Variants in ESR1 observed in about 807,000 individuals in gnomAD.
ESR1 encodes estrogen receptor 1, also known as estrogen receptor.
Under a neutral mutation model 52.7 loss-of-function variants are expected in ESR1, and 12 were observed. The observed-to-expected ratio is 0.23, with a 90% CI of 0.15 to 0.37. The LOEUF (loss-of-function observed/expected upper bound fraction) is 0.37, where lower values mean the gene tolerates loss of function less well. ESR1 is among the 10% of genes least tolerant of loss of function. ESR1 has a pLI of 1.00. For synonymous variants in ESR1, 305 were observed against 316.8 expected (o/e 0.96, Z 0.39); for missense variants, 584 against 779.7 (o/e 0.75, Z 2.99).
Position 151,701,385 on chromosome 6 carries a change from C to T in ESR1, c.-201-490C>T, listed in dbSNP as rs968690346. Among the ~76,000 whole-genome samples the T allele has an allele frequency of 6.6e-5, 10 of 151,494 alleles. No individual in the cohort carries two copies. In the East Asian group the frequency reaches 7.8e-4, roughly 12 times the overall value. ...ACTAAAAAGATAAAAAATTAGCTGG[C>T]GGGCGTGGTGGTGTGCGCCTGTAGT... On this transcript the variant is annotated intron_variant, in intron 1 of 2. Transcript: ENST00000404742.
At chr6:152,036,097 C>T (rs377004892) in intron 5 of ESR1, among the ~76,000 whole-genome samples, 5 of 141,672 alleles carry the variant, frequency 3.5e-5, no homozygotes, top group South Asian at 2.4e-4. Flanking sequence ...GGGCCAGGCA[C>T]GGTGGCTCAC....
chr6:151,733,720 A>C (rs1782430675), intron 2 of ESR1, among the ~76,000 whole-genome samples: 1 of 152,154 alleles, frequency 6.6e-6, no homozygotes, highest in Non-Finnish European at 1.5e-5. Context: ...CTTAATTAAG[A>C]AAAAAAGAAA....
chr6:151,745,339 C>G (rs1303709375), intron 2 of ESR1, among the ~76,000 whole-genome samples: 1 of 152,094 alleles, frequency 6.6e-6, no homozygotes, highest in Non-Finnish European at 1.5e-5. Context: ...GCTTTGGTTG[C>G]TTACTGTGGC....
At chr6:151,705,422 A>C (rs185473296) in intron 2 of ESR1, among the ~76,000 whole-genome samples, 14 of 152,342 alleles carry the variant, frequency 9.2e-5, no homozygotes, top group Admixed American at 2.6e-4. Context: ...GTTTCTAAAC[A>C]CATATGAACT....
intron 1 of ESR1, among the ~76,000 whole-genome samples, chr6:151,678,770 T>C (rs962268324): frequency 2.0e-5 from 3 of 148,536 alleles, no homozygotes; most frequent in Non-Finnish European, 4.4e-5. Flanking sequence ...CACTGCAACC[T>C]CCACCTCCTG....
At chr6:151,675,153 C>T (rs768859546) in intron 1 of ESR1, among the ~76,000 whole-genome samples, 1 of 152,040 alleles carries the variant, frequency 6.6e-6, no homozygotes, top group Non-Finnish European at 1.5e-5. Flanking sequence ...TGTTATATTG[C>T]CAGACTATAT....
chr6:151,976,338 A>G (rs2039433496), intron 4 of ESR1, among the ~76,000 whole-genome samples: 1 of 152,086 alleles, frequency 6.6e-6, no homozygotes, highest in Non-Finnish European at 1.5e-5. Flanking sequence ...TTCAACTACT[A>G]TCCATATTAA....
chr6:151,718,045 C>T (rs1169480966), intron 2 of ESR1, among the ~76,000 whole-genome samples: 1 of 152,098 alleles, frequency 6.6e-6, no homozygotes, highest in East Asian at 1.9e-4. Context: ...TCTGGTAGCA[C>T]TCAATAGACA....
chr6:151,687,686 G>A (rs1467193784), upstream of ESR1, among the ~76,000 whole-genome samples: 1 of 152,196 alleles, frequency 6.6e-6, no homozygotes, highest in Admixed American at 6.5e-5. Context: ...CAGGCTGTTA[G>A]TGGTTTCTTC....
chr6:151,751,850 T>A (rs1438331223), intron 2 of ESR1, among the ~76,000 whole-genome samples: 3 of 152,208 alleles, frequency 2.0e-5, no homozygotes, highest in Non-Finnish European at 4.4e-5. Flanking sequence ...GCATTTTATT[T>A]TGAAACCCAC....
downstream of ESR1, among the ~76,000 whole-genome samples, chr6:152,105,571 G>A (rs556819073): frequency 4.6e-5 from 7 of 151,204 alleles, no homozygotes; most frequent in South Asian, 1.5e-3. Flanking sequence ...GATTACAGGC[G>A]AGCGCCACCA....
chr6:151,856,237 G>C (rs1583708090), intron 2 of ESR1, among the ~76,000 whole-genome samples: 1 of 152,128 alleles, frequency 6.6e-6, no homozygotes, highest in Non-Finnish European at 1.5e-5. Context: ...AGATAATGTA[G>C]CTATTATGGA....
intron 3 of ESR1, among the ~76,000 whole-genome samples, chr6:151,901,231 C>T (rs1009968771): frequency 9.2e-5 from 14 of 152,232 alleles, no homozygotes; most frequent in Admixed American, 6.5e-5. Context: ...GGGGGAAAGC[C>T]GGCAGTTACA....
chr6:152,046,615 AG>A (rs1263759826), intron 5 of ESR1, among the ~76,000 whole-genome samples: 1 of 152,252 alleles, frequency 6.6e-6, no homozygotes, highest in Non-Finnish European at 1.5e-5. Flanking sequence ...CCATAGTAAA[AG>A]AAGACAAAAT....
At chr6:151,690,908 G>A (rs1778887116) in intron 1 of ESR1, among the ~76,000 whole-genome samples, 1 of 152,188 alleles carries the variant, frequency 6.6e-6, no homozygotes, top group Non-Finnish European at 1.5e-5. Flanking sequence ...GAGGCAGAGG[G>A]CAATCCGACT....
rs553208431 is a variant in ESR1 at position 152,099,153 on chromosome 6, G to C, written c.*187G>C. On this transcript the variant is annotated 3_prime_UTR_variant, in exon 8 of 8. Coordinates refer to ENST00000206249, the MANE Select transcript of ESR1 (RefSeq NM_000125.4). The stretch of plus-strand genomic sequence containing the variant: ...TGGCACATCTTCTGTCTTCTGTTGG[G>C]AACAGCCAAAGGGATTCCAAGGCTA... The C allele has an allele frequency of 2.1e-5, 13 of 633,646 alleles. No individual in the cohort carries two copies. In the South Asian group the frequency reaches 2.3e-4, roughly 11 times the overall value. 39.3% of individuals were successfully genotyped at this position (633,646 alleles called of 1,614,324 possible). A position where few individuals can be genotyped will look rare whatever the true frequency, so the allele number is the denominator to read the frequency against.
intron 1 of ESR1, among the ~76,000 whole-genome samples, chr6:151,693,864 C>A (rs865910069): frequency 6.6e-6 from 1 of 152,140 alleles, no homozygotes; most frequent in South Asian, 2.1e-4. Context: ...GTGATCCACT[C>A]GCCTTGGCCT....
At chr6:151,729,593 C>G in intron 2 of ESR1, among the ~76,000 whole-genome samples, 1 of 152,078 alleles carries the variant, frequency 6.6e-6, no homozygotes, top group Non-Finnish European at 1.5e-5. Context: ...TTTGTTGAGC[C>G]CTGCCATGTG....
intron 2 of ESR1, among the ~76,000 whole-genome samples, chr6:151,702,726 A>T (rs1471786428): frequency 6.6e-6 from 1 of 152,256 alleles, no homozygotes; most frequent in Non-Finnish European, 1.5e-5. Context: ...TTTAAAATTA[A>T]GATAAAATAA....
Sources: gnomAD v4.1 joint callset for allele counts (sites outside exome capture counted in the v4.1 genomes callset) on GRCh38, gnomAD v4.1.1 for gene constraint, MANE v1.5 for transcripts, NCBI Gene and HGNC (gene_info 2026-07-23, HGNC 2026-07-21) for gene names.